Variants in KDM1B observed in about 807,000 individuals in gnomAD.
The protein encoded by KDM1B is lysine-specific histone demethylase 2.
Under a neutral mutation model 107.4 loss-of-function variants are expected in KDM1B, and 63 were observed. The observed-to-expected ratio is 0.59, with a 90% CI of 0.48 to 0.72. KDM1B has a LOEUF of 0.72. KDM1B is among the 30% of genes least tolerant of loss of function. The pLI is 0.00. For synonymous variants in KDM1B, 363 were observed against 363.9 expected, an observed-to-expected ratio of 1.00 and a Z score of 0.03; for missense variants, 749 against 1,020.8, an observed-to-expected ratio of 0.73 and a Z score of 3.63.
chr6:18,161,936 CTTTTT>C (rs61056956), intron 4 of KDM1B, among the ~76,000 whole-genome samples: 3 of 146,574 alleles, frequency 2.0e-5, no homozygotes, highest in African/African-American at 7.5e-5. Context: ...GTATGATCTT[CTTTTT>C]TTTTTTCTTT....
rs1787950153 is a variant in KDM1B, at chr6:18,200,283, T to C, written c.1222-156T>C. 6.6e-6 allele frequency among the ~76,000 whole-genome samples: 1 copy of C among 152,258 alleles called. No homozygotes were observed. ...TTTTGAACATCTATTTTGGCTTCTC[T>C]TCACACTGCCTGCTTTTTAAAGTTG... On this transcript the variant is annotated intron_variant, in intron 12 of 21. Transcript: ENST00000650836. The surrounding 1 kb of genome is among the most constrained non-coding windows in gnomAD (Gnocchi z 4.3).
chr6:18,208,990 C>T (rs1788624266), intron 17 of KDM1B, among the ~76,000 whole-genome samples: 1 of 152,020 alleles, frequency 6.6e-6, no homozygotes, highest in Non-Finnish European at 1.5e-5. Flanking sequence ...AGAAGTCCTG[C>T]ATTAAAGAAA....
rs564661339 is a variant in KDM1B at position 18,181,521 on chromosome 6, T to C, written c.535-4251T>C. Among the ~76,000 whole-genome samples, 5 of 152,220 alleles carry C rather than the reference T, an allele frequency of 3.3e-5. No homozygotes were observed. The South Asian group carries it at 1.0e-3, about 32-fold the overall frequency. On this transcript the variant is annotated intron_variant, in intron 7 of 21. Coordinates refer to ENST00000650836, the MANE Select transcript of KDM1B (RefSeq NM_001364614.2). ...GGCTCATGCCTGTAATTTCAGCCCT[T>C]TGGGAGGCTGAAGCAGGAGTTTGAG... is the stretch of plus-strand genomic sequence containing the variant.
intron 9 of KDM1B, among the ~76,000 whole-genome samples, 171 bp downstream of exon 9, chr6:18,188,173 C>T (rs760978008): frequency 6.6e-6 from 1 of 152,050 alleles, no homozygotes; most frequent in Non-Finnish European, 1.5e-5. Context: ...TCCCTTGAGG[C>T]CAGGAGTTTG....
rs764664637 is a variant in KDM1B, at chr6:18,222,118, C to T, written c.*126C>T. ...TAGTAAAACTGAAATGTTTCTAAGG[C>T]GATATGATAATGCAAACCTATTTCA... On this transcript the variant is annotated 3_prime_UTR_variant, in exon 22 of 22. Transcript: ENST00000650836. The T allele has an allele frequency of 3.7e-5, 32 of 863,858 alleles. No individual in the cohort carries two copies. Among genetic ancestry groups the T allele is most frequent in the Non-Finnish European group, 5.5e-5 (28 of 511,396 alleles). 53.5% of individuals were successfully genotyped at this position (863,858 alleles called of 1,614,324 possible).
Position 18,212,064 on chromosome 6 carries a change from G to C in KDM1B, c.1867-424G>C. 1 of 167,002 alleles carries C rather than the reference G, an allele frequency of 6.0e-6. No homozygotes were observed. The highest frequency in any genetic ancestry group is 1.6e-4 in the South Asian group (1 of 6,450). 10.3% of individuals were successfully genotyped at this position (167,002 alleles called of 1,614,324 possible). Reference sequence around the variant, plus strand: ...AGGTTCAAGAGATTCTCCTGCCTCAGCTTCCCAAGTATCTGGCACTACAGG... The same window carrying C: ...AGGTTCAAGAGATTCTCCTGCCTCACCTTCCCAAGTATCTGGCACTACAGG... On this transcript the variant is annotated intron_variant, in intron 17 of 21. Transcript: ENST00000650836. The surrounding 1 kb of genome is among the most constrained non-coding windows in gnomAD (Gnocchi z 5.2).
chr6:18,179,839 G>T lies in KDM1B; in HGVS notation c.535-5933G>T, dbSNP rs71533668. On this transcript the variant is annotated intron_variant, in intron 7 of 21. Transcript: ENST00000650836. Reference sequence around the variant, plus strand: ...TTCCAAAATCTTTCAATTTAGCATTGGTTTTTTTTCCTTTTTTTTTTTTTT... The same window carrying T: ...TTCCAAAATCTTTCAATTTAGCATTTGTTTTTTTTCCTTTTTTTTTTTTTT... Among the ~76,000 whole-genome samples, 21 of 37,856 alleles carry T rather than the reference G, an allele frequency of 5.5e-4. 8 individuals carry two copies. Among genetic ancestry groups the T allele is most frequent in the Non-Finnish European group, 8.6e-4 (14 of 16,354 alleles). The allele number at this position is 37,856 out of a possible 152,430, so 24.8% of individuals were successfully genotyped here.
intron 2 of KDM1B, among the ~76,000 whole-genome samples, chr6:18,156,810 G>A (rs1015737558): frequency 6.6e-6 from 1 of 152,006 alleles, no homozygotes; most frequent in Non-Finnish European, 1.5e-5. Context: ...CCAGCTACTC[G>A]GGAGGCTGAG....
At chr6:18,183,551 C>T (rs1216412356) in intron 7 of KDM1B, among the ~76,000 whole-genome samples, 1 of 151,998 alleles carries the variant, frequency 6.6e-6, no homozygotes, top group African/African-American at 2.4e-5. Context: ...TGAGCCACCA[C>T]GCCGGGCCCT....
chr6:18,190,315 G>A lies in KDM1B; in HGVS notation c.785-882G>A, dbSNP rs192106185. On this transcript the variant is annotated intron_variant, in intron 9 of 21. Transcript: ENST00000650836. ...ACACTTAAAAACAGATAAGAAGGCC[G>A]GGCGCAGTGGCTCACGCCTGTAATC... Among the ~76,000 whole-genome samples the A allele has an allele frequency of 1.2e-4, 19 of 152,080 alleles. No individual in the cohort carries two copies. In the East Asian group the frequency reaches 3.3e-3, roughly 26 times the overall value.
chr6:18,168,685 G>T (rs1355930028), intron 6 of KDM1B, among the ~76,000 whole-genome samples: 1 of 152,046 alleles, frequency 6.6e-6, no homozygotes, highest in African/African-American at 2.4e-5. Context: ...CTTTTCCATA[G>T]TTCCTGTACC....
Position 18,191,881 on chromosome 6 carries a change from T to A in KDM1B, c.969+500T>A, listed in dbSNP as rs1419964247. Reference sequence around the variant, plus strand: ...GTACATTTCTTCTGTTGGGTCTAAATACATGTTAGGGCTGTCACACTGTAC... The same window carrying A: ...GTACATTTCTTCTGTTGGGTCTAAAAACATGTTAGGGCTGTCACACTGTAC... On this transcript the variant is annotated intron_variant, in intron 10 of 21. Coordinates refer to ENST00000650836, the MANE Select transcript of KDM1B (RefSeq NM_001364614.2). This position sits in a 1 kb window ranked among gnomAD's most constrained non-coding sequence, Gnocchi z 5.1. Among the ~76,000 whole-genome samples the A allele has an allele frequency of 6.6e-6, 1 of 151,988 alleles. No individual in the cohort carries two copies. Among genetic ancestry groups the A allele is most frequent in the Non-Finnish European group, 1.5e-5 (1 of 67,998 alleles).
chr6:18,220,502 C>T (rs1047076877), intron 21 of KDM1B, among the ~76,000 whole-genome samples: 3 of 151,894 alleles, frequency 2.0e-5, no homozygotes, highest in Non-Finnish European at 1.5e-5. Context: ...GCCAAGATCA[C>T]GCCACTGCAC....
In KDM1B at chr6:18,159,948, C is replaced by T. The variant is rs374956372; in HGVS notation, c.53C>T (p.Pro18Leu). 33 of 1,609,156 alleles carry T rather than the reference C, an allele frequency of 2.1e-5. No homozygotes were observed. The highest frequency in any genetic ancestry group is 6.7e-5 in the East Asian group (3 of 44,764). ...TKKKASFDHS[P>L]DSLPLRSSGR... ...AAAAAAGCATCTTTTGATCATTCTC[C>T]GGATAGCCTTCCTTTGAGGAGCTCC... is the stretch of plus-strand genomic sequence containing the variant. Residue 18 changes from proline to leucine, a missense_variant, in exon 3 of 22, where the codon CCG (proline) becomes CTG (leucine). Pro to Leu is a moderately conservative substitution (Grantham distance 98). Coordinates refer to ENST00000650836, the MANE Select transcript of KDM1B (RefSeq NM_001364614.2). This position sits in a 1 kb window ranked among gnomAD's most constrained non-coding sequence, Gnocchi z 4.5.
At chr6:18,164,026 TAAGAA>T (rs1218427271) in intron 5 of KDM1B, among the ~76,000 whole-genome samples, 1 of 152,344 alleles carries the variant, frequency 6.6e-6, no homozygotes, top group African/African-American at 2.4e-5. Flanking sequence ...TTTCAGTTAC[TAAGAA>T]AAGTGTCTTA....
chr6:18,158,905 G>T (rs1267667266), intron 2 of KDM1B, among the ~76,000 whole-genome samples: 4 of 152,190 alleles, frequency 2.6e-5, no homozygotes, highest in African/African-American at 7.2e-5. Flanking sequence ...TGTATATTCA[G>T]TAGTGACTAG....
chr6:18,199,947 C>T (rs1345381452), intron 12 of KDM1B, among the ~76,000 whole-genome samples: 1 of 152,174 alleles, frequency 6.6e-6, no homozygotes, highest in African/African-American at 2.4e-5. Flanking sequence ...GGCACAATCT[C>T]TGCTCCCTGC....
intron 9 of KDM1B, among the ~76,000 whole-genome samples, chr6:18,190,677 G>T (rs561434571): frequency 2.2e-3 from 337 of 152,224 alleles, no homozygotes; most frequent in Middle Eastern, 6.8e-3. Context: ...GAGGTTGGCA[G>T]ATCACTTGAG....
In KDM1B at chr6:18,200,455, C is replaced by CA; in HGVS notation, c.1238_1239insA (p.Lys414GlnfsTer11). On this transcript the variant is annotated frameshift_variant, in exon 13 of 22. Transcript: ENST00000650836. LOFTEE classifies it high-confidence loss of function. The surrounding 1 kb of genome is among the most constrained non-coding windows in gnomAD (Gnocchi z 4.3). ...TCTTTTTAGGTGACTGTCCTGGAAGCCAAAGACAGAATTGGAGGCCGAGTC... is the reference window on the plus strand; with the variant it reads ...TCTTTTTAGGTGACTGTCCTGGAAGCACAAAGACAGAATTGGAGGCCGAGTC... 1 of 1,613,872 alleles carries CA rather than the reference C, an allele frequency of 6.2e-7. No individual in the cohort carries two copies.
Sources: gnomAD v4.1 joint callset for allele counts (sites outside exome capture counted in the v4.1 genomes callset) on GRCh38, gnomAD v4.1.1 for gene constraint, Gnocchi (gnomAD v3.1) non-coding constraint, MANE v1.5 for transcripts, NCBI Gene and HGNC (gene_info 2026-07-23, HGNC 2026-07-21) for gene names.